The following SYF2 variants were observed in gnomAD, a reference collection of about 807,000 sequenced individuals.
SYF2 encodes the protein SYF2 pre-mRNA splicing factor, also known as pre-mRNA-splicing factor SYF2.
In SYF2, 21 loss-of-function variants were observed where a neutral mutation model predicts 32.7. The observed-to-expected ratio is 0.64, with a 90% CI of 0.45 to 0.92. The LOEUF (loss-of-function observed/expected upper bound fraction) is 0.92, where lower values mean the gene tolerates loss of function less well. SYF2 is among the 40% of genes least tolerant of loss of function. The pLI, the probability that SYF2 is intolerant of heterozygous loss-of-function variation, is 0.00. For synonymous variants in SYF2, 114 were observed against 103.9 expected (o/e 1.10, Z -0.59); for missense variants, 278 against 296.5 (o/e 0.94, Z 0.46).
At chr1:25,227,403 A>G in intron 5 of SYF2, 39 bp downstream of exon 5, 1 of 1,533,770 alleles carries the variant, frequency 6.5e-7, no homozygotes, top group Non-Finnish European at 9.0e-7. Context: ...ACACACACAC[A>G]AATACATCCA....
intron 5 of SYF2, among the ~76,000 whole-genome samples, chr1:25,225,875 G>A (rs1638500023): frequency 6.7e-6 from 1 of 149,988 alleles, no homozygotes; most frequent in Admixed American, 6.7e-5. Flanking sequence ...AAAAAATAGG[G>A]CCATGTGCAG....
At position 25,232,173 on chromosome 1, in the gene SYF2, C is replaced by T. The variant is rs1638644922; in HGVS notation, c.63G>A (p.Ala21=). The change falls in exon 2 of 7, where the codon GCG becomes GCA. Residue 21 remains alanine, a synonymous_variant. Coordinates refer to ENST00000236273, the MANE Select transcript of SYF2 (RefSeq NM_015484.5). ...GCTTCTGAGCGGCCAGCTCCGCCGCCGCAGCGAGGGACCCCTCCTCCGCGC... is the reference window on the plus strand; with the variant it reads ...GCTTCTGAGCGGCCAGCTCCGCCGCTGCAGCGAGGGACCCCTCCTCCGCGC... ...VDSAEEGSLA[A]AAELAAQKRE... 1.2e-6 allele frequency: 2 copies of T among 1,613,852 alleles called. No homozygotes were observed. The highest frequency in any genetic ancestry group is 1.7e-6 in the Non-Finnish European group (2 of 1,180,016).
At position 25,227,574 on chromosome 1, in the gene SYF2, G is replaced by A. The variant is rs772940667; in HGVS notation, c.377-42C>T. The A allele has an allele frequency of 9.6e-6, 15 of 1,559,836 alleles. No individual in the cohort carries two copies. The Admixed American group carries it at 2.6e-4, about 27-fold the overall frequency. On this transcript the variant is annotated intron_variant, in intron 4 of 6. Transcript: ENST00000236273. Reference sequence around the variant, plus strand: ...AGAATCAGCGATAATATATTTCCTTGTTTGGACCTTCCTATTGAGAGAAAA... The same window carrying A: ...AGAATCAGCGATAATATATTTCCTTATTTGGACCTTCCTATTGAGAGAAAA...
chr1:25,223,361 C>T lies in SYF2; in HGVS notation c.637G>A (p.Glu213Lys). The change falls in exon 7 of 7, where the codon GAA becomes AAA. Residue 213 changes from glutamate (E) to lysine (K), a missense_variant. Physicochemically the swap from Glu to Lys is moderately conservative, Grantham distance 56 (BLOSUM62 1). Coordinates refer to ENST00000236273, the MANE Select transcript of SYF2 (RefSeq NM_015484.5). ...NDDADIDYIN[E>K]RNAKFNKKAE... ...TTCTTGTTGAATTTGGCATTCCTTT[C>T]ATTAATGTAGTCGATATCTGCATCA... 6.2e-7 allele frequency: 1 copy of T among 1,613,992 alleles called. No individual in the cohort carries two copies. Among genetic ancestry groups the T allele is most frequent in the Non-Finnish European group, 8.5e-7 (1 of 1,179,966 alleles).
chr1:25,229,113 C>T lies in SYF2; in HGVS notation c.143G>A (p.Arg48His), dbSNP rs146818216. ...CACAACTTCCTGGTGATTTAATTTA[C>T]GAGCTTCATTCTAAAACCGTAACAC... The part of the protein sequence containing the change: ...RELHLMRNEA[R>H]KLNHQEVVEE... The change falls in exon 3 of 7, where the codon CGT becomes CAT. Residue 48 changes from arginine to histidine, a missense_variant. Coordinates refer to ENST00000236273, the MANE Select transcript of SYF2 (RefSeq NM_015484.5). The T allele has an allele frequency of 1.3e-4, 217 of 1,611,780 alleles. 1 individual carries two copies. The highest frequency in any genetic ancestry group is 1.2e-3 in the South Asian group (112 of 90,364).
chr1:25,224,372 G>A (rs895415296), intron 6 of SYF2, among the ~76,000 whole-genome samples: 2 of 151,890 alleles, frequency 1.3e-5, no homozygotes, highest in African/African-American at 4.8e-5. Context: ...CCTCCTGACT[G>A]AGTCTCCCAA....
Position 25,229,138 on chromosome 1 carries a change from C to G in SYF2, c.133-15G>C. ...CGAGCTTCATTCTAAAACCGTAACA[C>G]AAGAAGTCTGTCAGCTAAAACATGA... On this transcript the variant is annotated splice_polypyrimidine_tract_variant and intron_variant, in intron 2 of 6. Transcript: ENST00000236273. The G allele has an allele frequency of 6.2e-7, 1 of 1,607,672 alleles. No individual in the cohort carries two copies.
In SYF2 at chr1:25,225,101, C is replaced by T. The variant is rs1218238829; in HGVS notation, c.468-1G>A. ...GGATGTTGGGAAAAACTCTTCTCCACTGAAAAGGCAGCAAAATGAACTTAC... is the reference window on the plus strand; with the variant it reads ...GGATGTTGGGAAAAACTCTTCTCCATTGAAAAGGCAGCAAAATGAACTTAC... On this transcript the variant is annotated splice_acceptor_variant, in intron 5 of 6. Transcript: ENST00000236273. LOFTEE classifies it high-confidence loss of function. 6.2e-7 allele frequency: 1 copy of T among 1,610,088 alleles called. No homozygotes were observed. Among genetic ancestry groups the T allele is most frequent in the Non-Finnish European group, 8.5e-7 (1 of 1,176,466 alleles).
chr1:25,232,460 G>C lies in SYF2; in HGVS notation c.8C>G (p.Ala3Gly), dbSNP rs770723767. 11 of 1,614,090 alleles carry C rather than the reference G, an allele frequency of 6.8e-6. No homozygotes were observed. Among genetic ancestry groups the C allele is most frequent in the African/African-American group, 6.7e-5 (5 of 74,934 alleles). ...GGAACTCACCTCGGATGCAGCTATAGCCGCCATCACAACCTTTCTCTCTTC... is the reference window on the plus strand; with the variant it reads ...GGAACTCACCTCGGATGCAGCTATACCCGCCATCACAACCTTTCTCTCTTC... MAAIAASEVLVDS... is the reference protein window; with the variant it reads MAGIAASEVLVDS... Residue 3 changes from alanine (A) to glycine (G), a missense_variant, in exon 1 of 7, where the codon GCT (alanine) becomes GGT (glycine). Physicochemically the swap from Ala to Gly is moderately conservative, Grantham distance 60 (BLOSUM62 0). Transcript: ENST00000236273.
At chr1:25,228,050 G>A (rs995429647) in intron 4 of SYF2, 68 bp downstream of exon 4, 1 of 1,353,626 alleles carries the variant, frequency 7.4e-7, no homozygotes, top group Non-Finnish European at 1.0e-6. Flanking sequence ...ATCCTTTCTT[G>A]AAACCAGAAA....
chr1:25,226,596 AT>A (rs1638513765), intron 5 of SYF2, among the ~76,000 whole-genome samples: 1 of 152,260 alleles, frequency 6.6e-6, no homozygotes, highest in African/African-American at 2.4e-5. Context: ...GTGTTAACCA[AT>A]CAACAACCAG....
intron 5 of SYF2, among the ~76,000 whole-genome samples, chr1:25,227,186 G>A (rs1638529368): frequency 6.6e-6 from 1 of 152,130 alleles, no homozygotes; most frequent in Admixed American, 6.6e-5. Flanking sequence ...AGGAGGCTGA[G>A]GCAGAAGAAT....
chr1:25,228,034 A>G lies in SYF2; in HGVS notation c.376+84T>C. The G allele has an allele frequency of 4.6e-6, 5 of 1,093,088 alleles. No homozygotes were observed. In the South Asian group the frequency reaches 6.8e-5, roughly 15 times the overall value. 67.7% of individuals were successfully genotyped at this position (1,093,088 alleles called of 1,614,324 possible). A position where few individuals can be genotyped will look rare whatever the true frequency, so the allele number is the denominator to read the frequency against. ...TCAAGAATATCCCACGAAGCACAAG[A>G]GGCACATCCTTTCTTGAAACCAGAA... On this transcript the variant is annotated intron_variant, in intron 4 of 6. Transcript: ENST00000236273.
In SYF2 at chr1:25,227,430, A is replaced by G; in HGVS notation, c.467+12T>C. 6 of 1,610,468 alleles carry G rather than the reference A, an allele frequency of 3.7e-6. No individual in the cohort carries two copies. Among genetic ancestry groups the G allele is most frequent in the Non-Finnish European group, 5.1e-6 (6 of 1,178,052 alleles). ...ATACATCCACATCACCTCAGGTTGA[A>G]AAAGGACTTACTGTTTTTCTCTCAG... On this transcript the variant is annotated intron_variant, in intron 5 of 6. Transcript: ENST00000236273.
At chr1:25,224,270 T>C (rs78441120) in intron 6 of SYF2, among the ~76,000 whole-genome samples, 1 of 152,246 alleles carries the variant, frequency 6.6e-6, no homozygotes, top group African/African-American at 2.4e-5. Flanking sequence ...TTTTTTTTTT[T>C]CCTGAGACAG....
At position 25,223,313 on chromosome 1, in the gene SYF2, A is replaced by G. The variant is rs756130920; in HGVS notation, c.685T>C (p.Tyr229His). ...NKKAERFYGK[Y>H]TAEIKQNLER... is the part of the protein sequence containing the mutation. ...AAATTCTGTTTAATTTCAGCTGTGTATTTCCCATAGAATCTTTCAGCTTTC... is the reference window on the plus strand; with the variant it reads ...AAATTCTGTTTAATTTCAGCTGTGTGTTTCCCATAGAATCTTTCAGCTTTC... The change falls in exon 7 of 7, where the codon TAC (tyrosine) becomes CAC (histidine). Residue 229 changes from tyrosine (Y) to histidine (H), a missense_variant. Transcript: ENST00000236273. 3 of 1,613,848 alleles carry G rather than the reference A, an allele frequency of 1.9e-6. No individual in the cohort carries two copies. Among genetic ancestry groups the G allele is most frequent in the Non-Finnish European group, 2.5e-6 (3 of 1,179,972 alleles).
intron 4 of SYF2, among the ~76,000 whole-genome samples, chr1:25,227,895 CTT>C (rs1292913021): frequency 1.3e-5 from 2 of 152,294 alleles, no homozygotes; most frequent in Admixed American, 1.3e-4. Flanking sequence ...GACAAACAGA[CTT>C]TGATAAATTT....
rs1638438515 is a variant in SYF2 at position 25,223,027 on chromosome 1, A to G, written c.*239T>C. The G allele has an allele frequency of 1.1e-5, 4 of 354,000 alleles. No homozygotes were observed. The Admixed American group carries it at 1.3e-4, about 11-fold the overall frequency. 21.9% of individuals were successfully genotyped at this position (354,000 alleles called of 1,614,324 possible). A position where few individuals can be genotyped will look rare whatever the true frequency, so the allele number is the denominator to read the frequency against. Reference sequence around the variant, plus strand: ...AAAATAATATAATTAGAATGTATACAAAGTAGATTACAAAACAACTTCACT... The same window carrying G: ...AAAATAATATAATTAGAATGTATACGAAGTAGATTACAAAACAACTTCACT... On this transcript the variant is annotated 3_prime_UTR_variant, in exon 7 of 7. Transcript: ENST00000236273.
intron 5 of SYF2, 36 bp downstream of exon 5, chr1:25,227,406 T>TA: frequency 6.5e-7 from 1 of 1,532,992 alleles, no homozygotes; most frequent in Non-Finnish European, 9.0e-7. Context: ...CACACACAAA[T>TA]ACATCCACAT....
Sources: allele counts gnomAD v4.1 joint callset (sites outside exome capture counted in the v4.1 genomes callset), GRCh38; gene constraint gnomAD v4.1.1; transcripts MANE v1.5; gene names NCBI Gene and HGNC (gene_info 2026-07-23, HGNC 2026-07-21).